The following PHF24 variants were observed in gnomAD, a reference collection of about 807,000 sequenced individuals.
PHF24 encodes the protein PHD finger protein 24, also known as Galpha inhibitory interacting protein.
Under a neutral mutation model 42.6 loss-of-function variants are expected in PHF24, and 25 were observed. That is an observed-to-expected ratio of 0.59 (90% CI 0.43 to 0.82). The LOEUF is 0.82. PHF24 is among the 40% of genes least tolerant of loss of function. PHF24 has a pLI of 0.00. For synonymous variants in PHF24, 185 were observed against 204.8 expected, an observed-to-expected ratio of 0.90 and a Z score of 0.83; for missense variants, 470 against 538.1, an observed-to-expected ratio of 0.87 and a Z score of 1.25.
chr9:34,708,304 C>T, the PHF24 span, among the ~76,000 whole-genome samples: 2 of 151,934 alleles, frequency 1.3e-5, no homozygotes, highest in Admixed American at 6.6e-5. Flanking sequence ...AGTCTGGATC[C>T]CAGCCAGGAA....
At chr9:34,962,027 T>G (rs765236187) in intron 1 of PHF24, among the ~76,000 whole-genome samples, 22 of 152,316 alleles carry the variant, frequency 1.4e-4, no homozygotes, top group Middle Eastern at 3.4e-3. Flanking sequence ...GCTCTTAGGT[T>G]GCGAAGGAGT....
the PHF24 span, among the ~76,000 whole-genome samples, chr9:34,824,781 TAC>T: frequency 1.3e-5 from 2 of 152,182 alleles, no homozygotes; most frequent in African/African-American, 4.8e-5. Context: ...AGTTCATGGG[TAC>T]AGAGTGGTCA....
chr9:34,798,824 C>T, the PHF24 span, among the ~76,000 whole-genome samples: 3 of 152,212 alleles, frequency 2.0e-5, no homozygotes, highest in Non-Finnish European at 4.4e-5. Context: ...CTCCCACCAA[C>T]AGTGAATAAG....
chr9:34,775,775 A>G, the PHF24 span, among the ~76,000 whole-genome samples: 1 of 152,240 alleles, frequency 6.6e-6, no homozygotes, highest in Non-Finnish European at 1.5e-5. Context: ...ATGAAAACAT[A>G]TGTCCACACA....
At chr9:34,976,086 C>A in intron 3 of PHF24, 66 bp from the exon 4 acceptor site, 1 of 1,064,356 alleles carries the variant, frequency 9.4e-7, no homozygotes, top group Non-Finnish European at 1.5e-6. Context: ...CTATTTCTAG[C>A]CCCCTTGACC....
At chr9:34,981,552 G>A (rs1191164469) in exon 8 of PHF24, 2 of 152,256 alleles carry the variant, frequency 1.3e-5, no homozygotes, top group South Asian at 2.1e-4. Context: ...ACTTCAAGCA[G>A]GACTGAGAAC....
At chr9:34,741,346 CTTTTCT>C in the PHF24 span, among the ~76,000 whole-genome samples, 47 of 151,984 alleles carry the variant, frequency 3.1e-4, no homozygotes, top group African/African-American at 4.3e-4. Flanking sequence ...TATTTCTTTT[CTTTTCT>C]TTTTCTTTTT....
the PHF24 span, among the ~76,000 whole-genome samples, chr9:34,708,022 G>T: frequency 1.3e-5 from 2 of 152,062 alleles, no homozygotes; most frequent in African/African-American, 4.8e-5. Flanking sequence ...GAGCCACCGC[G>T]CCCGGCCTTG....
chr9:34,923,049 GT>G, the PHF24 span: 173,959 of 383,016 alleles, frequency 0.45, 22,848 homozygotes, highest in Admixed American at 0.49. Context: ...TTTTGTTTTT[GT>G]TTTTTTTTTT....
intron 1 of PHF24, among the ~76,000 whole-genome samples, chr9:34,966,620 A>AT (rs1183529338): frequency 6.6e-6 from 1 of 151,344 alleles, no homozygotes; most frequent in African/African-American, 2.4e-5. Context: ...TAATTAAATC[A>AT]TTTTTTCTCT....
At chr9:34,932,900 C>T in the PHF24 span, among the ~76,000 whole-genome samples, 1 of 151,854 alleles carries the variant, frequency 6.6e-6, no homozygotes, top group African/African-American at 2.4e-5. Context: ...TCTATCACAA[C>T]CTAACTCCAC....
chr9:34,840,080 T>A, the PHF24 span, among the ~76,000 whole-genome samples: 2 of 152,150 alleles, frequency 1.3e-5, no homozygotes, highest in Non-Finnish European at 2.9e-5. Context: ...TGGAGAGCAA[T>A]TGTGGGAAAG....
chr9:34,723,198 G>A, the PHF24 span: 1 of 1,540,724 alleles, frequency 6.5e-7, no homozygotes, highest in Non-Finnish European at 8.8e-7. Flanking sequence ...TCCTTGAGCG[G>A]ACCAATGTTT....
chr9:34,976,564 C>T (rs372732529), exon 5 of PHF24: 11 of 1,613,772 alleles, frequency 6.8e-6, no homozygotes, highest in African/African-American at 2.7e-5. Flanking sequence ...GGACTTTCTG[C>T]GTTACCGCCA....
chr9:34,925,349 T>C, the PHF24 span, among the ~76,000 whole-genome samples: 2 of 152,174 alleles, frequency 1.3e-5, no homozygotes, highest in Non-Finnish European at 1.5e-5. Flanking sequence ...TTGGGTTGAA[T>C]CTACTTGCAA....
the PHF24 span, among the ~76,000 whole-genome samples, chr9:34,927,723 C>T: frequency 6.6e-6 from 1 of 152,108 alleles, no homozygotes; most frequent in Non-Finnish European, 1.5e-5. Context: ...TCCTGGATTT[C>T]TGATCACCAC....
chr9:34,742,185 T>C, the PHF24 span, among the ~76,000 whole-genome samples: 1 of 152,208 alleles, frequency 6.6e-6, no homozygotes, highest in Non-Finnish European at 1.5e-5. Flanking sequence ...ACAGCGCAAA[T>C]ATGCCCAGAT....
At chr9:34,832,449 C>A in the PHF24 span, 1 of 1,459,768 alleles carries the variant, frequency 6.9e-7, no homozygotes, top group Non-Finnish European at 9.3e-7. Context: ...GAAAGCTGGG[C>A]CCATCAGCTT....
At chr9:34,819,372 T>G in the PHF24 span, among the ~76,000 whole-genome samples, 2 of 152,130 alleles carry the variant, frequency 1.3e-5, no homozygotes, top group Non-Finnish European at 2.9e-5. Flanking sequence ...CTTAATTTAT[T>G]TGAGATTTTT....
Sources: gnomAD v4.1 joint callset for allele counts (sites outside exome capture counted in the v4.1 genomes callset) on GRCh38, gnomAD v4.1.1 for gene constraint, MANE v1.5 for transcripts, NCBI Gene and HGNC (gene_info 2026-07-23, HGNC 2026-07-21) for gene names.